NUAK2: variants seen among roughly 807,000 people sequenced by gnomAD.
NUAK2 encodes the protein NUAK family SNF1-like kinase 2.
NUAK2 carries 20 observed loss-of-function variants against 29.8 expected under a neutral mutation model. The ratio of observed to expected loss-of-function variants is 0.67; its 90% CI spans 0.47 to 0.98. The LOEUF is 0.98. NUAK2 is among the 50% of genes least tolerant of loss of function. NUAK2 has a pLI of 0.00. For synonymous variants in NUAK2, 331 were observed against 342.6 expected (o/e 0.97, Z 0.37); for missense variants, 719 against 834.5 (o/e 0.86, Z 1.71).
In NUAK2 at chr1:205,321,569, G is replaced by A. The variant is rs987434793; in HGVS notation, c.60C>T (p.Ala20=). The A allele has an allele frequency of 4.0e-5, 65 of 1,613,364 alleles. No homozygotes were observed. Among genetic ancestry groups the A allele is most frequent in the Non-Finnish European group, 5.2e-5 (61 of 1,179,890 alleles). ...SGPTPSAAEL[A]RPLAEGLIKS... ...TGATCAGCCCTTCCGCCAGCGGCCG[G>A]GCTAGCTCTGCGGCCGAGGGAGTGG... Residue 20 remains alanine (A), a synonymous_variant, in exon 1 of 7, where the codon GCC becomes GCT. Coordinates refer to ENST00000367157, the MANE Select transcript of NUAK2 (RefSeq NM_030952.3).
chr1:205,305,239 C>G lies in NUAK2; in HGVS notation c.783G>C (p.Gln261His). 1 of 1,614,226 alleles carries G rather than the reference C, an allele frequency of 6.2e-7. No individual in the cohort carries two copies. Among genetic ancestry groups the G allele is most frequent in the Non-Finnish European group, 8.5e-7 (1 of 1,180,026 alleles). Residue 261 changes from glutamine (Q) to histidine (H), a missense_variant, in exon 6 of 7, where the codon CAG becomes CAC. By Grantham distance (24) the Gln-to-His change is conservative. This residue lies in a region of NUAK2 where 283 missense variants were observed against 345.6 expected (regional missense o/e 0.82). Coordinates refer to ENST00000367157, the MANE Select transcript of NUAK2 (RefSeq NM_030952.3). ...GCTCCCGGTAGGCCCCGTTGCTGATCTGTTTCACTAGGATCTTATGGTCAT... is the reference window on the plus strand; with the variant it reads ...GCTCCCGGTAGGCCCCGTTGCTGATGTGTTTCACTAGGATCTTATGGTCAT... Reference protein sequence around the residue: ...DGHDHKILVKQISNGAYREPP... With the variant: ...DGHDHKILVKHISNGAYREPP...
At chr1:205,311,882 G>T in intron 1 of NUAK2, 57 bp from the exon 2 acceptor site, 1 of 1,606,608 alleles carries the variant, frequency 6.2e-7, no homozygotes, top group Middle Eastern at 2.2e-4. Flanking sequence ...CACTCTGGGG[G>T]CCCTGGTCCT....
chr1:205,305,262 C>A lies in NUAK2; in HGVS notation c.760G>T (p.Asp254Tyr). ...VHGTMPFDGHDHKILVKQISN... is the reference protein window; with the variant it reads ...VHGTMPFDGHYHKILVKQISN... The stretch of plus-strand genomic sequence containing the variant: ...ATCTGTTTCACTAGGATCTTATGGT[C>A]ATGCCCATCAAAGGGCATGGTGCCA... Residue 254 changes from aspartate (D) to tyrosine (Y), a missense_variant, in exon 6 of 7, where the codon GAC (aspartate) becomes TAC (tyrosine). Transcript: ENST00000367157. The A allele has an allele frequency of 1.2e-6, 2 of 1,614,206 alleles. No homozygotes were observed. The highest frequency in any genetic ancestry group is 2.2e-5 in the South Asian group (2 of 91,062).
intron 4 of NUAK2, among the ~76,000 whole-genome samples, chr1:205,307,770 T>C (rs1156301358): frequency 6.6e-6 from 1 of 152,236 alleles, no homozygotes; most frequent in African/African-American, 2.4e-5. Context: ...TGCATGTGTG[T>C]GTGTATGCAA....
At position 205,303,977 on chromosome 1, in the gene NUAK2, G is replaced by T; in HGVS notation, c.1360C>A (p.Gln454Lys). The T allele has an allele frequency of 6.2e-7, 1 of 1,613,908 alleles. No individual in the cohort carries two copies. Among genetic ancestry groups the T allele is most frequent in the African/African-American group, 1.3e-5 (1 of 75,058 alleles). ...GAGGAGTAGTAGCCAGACTCGCGCT[G>T]TCGGGGCTTCTTGAGAATGCCCTTC... is the stretch of plus-strand genomic sequence containing the variant. Reference protein sequence around the residue: ...PKKGILKKPRQRESGYYSSPE... With the variant: ...PKKGILKKPRKRESGYYSSPE... Residue 454 changes from glutamine (Q) to lysine (K), a missense_variant, in exon 7 of 7, where the codon CAG becomes AAG. Gln to Lys is a moderately conservative substitution (Grantham distance 53). Coordinates refer to ENST00000367157, the MANE Select transcript of NUAK2 (RefSeq NM_030952.3).
chr1:205,312,275 C>T lies in NUAK2; in HGVS notation c.232-450G>A, dbSNP rs186045123. Among the ~76,000 whole-genome samples, 12 of 152,272 alleles carry T rather than the reference C, an allele frequency of 7.9e-5. No individual in the cohort carries two copies. In the East Asian group the frequency reaches 1.9e-3, roughly 24 times the overall value. ...TAAATGAACTGACCCTCACAACAACCTTGGGAGGTGGGCACAAAAAGCATC... is the reference window on the plus strand; with the variant it reads ...TAAATGAACTGACCCTCACAACAACTTTGGGAGGTGGGCACAAAAAGCATC... On this transcript the variant is annotated intron_variant, in intron 1 of 6. Transcript: ENST00000367157.
chr1:205,310,023 A>T (rs1261321929), intron 2 of NUAK2, among the ~76,000 whole-genome samples: 5 of 152,166 alleles, frequency 3.3e-5, no homozygotes, highest in African/African-American at 4.8e-5. Context: ...TGTCCCTGAC[A>T]TTGCATCTTT....
At chr1:205,318,735 G>A (rs1662363790) in intron 1 of NUAK2, among the ~76,000 whole-genome samples, 1 of 152,202 alleles carries the variant, frequency 6.6e-6, no homozygotes, top group Non-Finnish European at 1.5e-5. Context: ...AGGGGAGCTG[G>A]GTGAGTCCCA....
chr1:205,314,094 G>C (rs1005573346), intron 1 of NUAK2, among the ~76,000 whole-genome samples: 1 of 152,216 alleles, frequency 6.6e-6, no homozygotes, highest in Non-Finnish European at 1.5e-5. Context: ...AGGCCCTGCC[G>C]GCCTGTGTTC....
At position 205,302,376 on chromosome 1, in the gene NUAK2, A is replaced by C. The variant is rs1035967984; in HGVS notation, c.*1074T>G. ...AGAACACATCCATAGTCTGGACTTT[A>C]GAGCAGCTTAGAGGCAGAAGTTCTG... On this transcript the variant is annotated 3_prime_UTR_variant, in exon 7 of 7. Coordinates refer to ENST00000367157, the MANE Select transcript of NUAK2 (RefSeq NM_030952.3). 1 of 152,706 alleles carries C rather than the reference A, an allele frequency of 6.5e-6. No homozygotes were observed. The highest frequency in any genetic ancestry group is 1.9e-4 in the East Asian group (1 of 5,198). 9.5% of individuals were successfully genotyped at this position (152,706 alleles called of 1,614,324 possible). A position where few individuals can be genotyped will look rare whatever the true frequency, so the allele number is the denominator to read the frequency against.
intron 2 of NUAK2, 76 bp downstream of exon 2, chr1:205,311,629 A>G: frequency 6.4e-7 from 1 of 1,568,006 alleles, no homozygotes; most frequent in Non-Finnish European, 8.8e-7. Flanking sequence ...TTCTTCTGAC[A>G]CATGTACATA....
Position 205,304,165 on chromosome 1 carries a change from G to A in NUAK2, c.1172C>T (p.Thr391Met), listed in dbSNP as rs142260932. Residue 391 changes from threonine (T) to methionine (M), a missense_variant, in exon 7 of 7, where the codon ACG becomes ATG. Thr to Met is a moderately conservative substitution (Grantham distance 81). This residue lies in a region of NUAK2 where 430 missense variants were observed against 465.7 expected (regional missense o/e 0.92). Coordinates refer to ENST00000367157, the MANE Select transcript of NUAK2 (RefSeq NM_030952.3). The surrounding 1 kb of genome is among the most constrained non-coding windows in gnomAD (Gnocchi z 6.5). ...AGGGCGATGGGCAGTGTCATCAGCC[G>A]TGTCACTGTGGAGAGACTGGGCCAT... ...NDMAQSLHSD[T>M]ADDTAHRPGK... 1.1e-5 allele frequency: 18 copies of A among 1,614,190 alleles called. No individual in the cohort carries two copies. Among genetic ancestry groups the A allele is most frequent in the Admixed American group, 1.7e-5 (1 of 60,034 alleles).
At chr1:205,317,055 C>T (rs1662337468) in intron 1 of NUAK2, among the ~76,000 whole-genome samples, 1 of 152,130 alleles carries the variant, frequency 6.6e-6, no homozygotes, top group African/African-American at 2.4e-5. Flanking sequence ...CCATATCTTG[C>T]CCTAGGCCAG....
intron 5 of NUAK2, 89 bp downstream of exon 5, chr1:205,306,099 A>T (rs1662175981): frequency 1.4e-6 from 2 of 1,473,936 alleles, no homozygotes; most frequent in South Asian, 2.7e-5. Flanking sequence ...GAAAATGTGA[A>T]TAACGAGAAA....
At chr1:205,310,801 C>T (rs927063189) in intron 2 of NUAK2, among the ~76,000 whole-genome samples, 1 of 152,194 alleles carries the variant, frequency 6.6e-6, no homozygotes, top group Non-Finnish European at 1.5e-5. Flanking sequence ...GCCTTCTCAG[C>T]CACTTGCCTG....
chr1:205,317,164 T>C (rs1341187051), intron 1 of NUAK2, among the ~76,000 whole-genome samples: 1 of 152,168 alleles, frequency 6.6e-6, no homozygotes, highest in Non-Finnish European at 1.5e-5. Context: ...GTGGCTCAAT[T>C]GGTAAACACT....
Position 205,308,565 on chromosome 1 carries a change from G to A in NUAK2, c.504+16C>T. 1 of 1,608,912 alleles carries A rather than the reference G, an allele frequency of 6.2e-7. No individual in the cohort carries two copies. The highest frequency in any genetic ancestry group is 8.5e-7 in the Non-Finnish European group (1 of 1,175,630). ...ACCACCCACTGAGAATATGGCTGGA[G>A]CAGGTAGGTGCTCACCTGATGGCAA... On this transcript the variant is annotated intron_variant, in intron 3 of 6. Coordinates refer to ENST00000367157, the MANE Select transcript of NUAK2 (RefSeq NM_030952.3). The surrounding 1 kb of genome is among the most constrained non-coding windows in gnomAD (Gnocchi z 4.1).
chr1:205,306,844 A>G (rs1110303), intron 4 of NUAK2, among the ~76,000 whole-genome samples: 51,849 of 152,048 alleles, frequency 0.34, 9,088 homozygotes, highest in Non-Finnish European at 0.37. Flanking sequence ...CCAGCACCTC[A>G]TGATAATGGC....
At position 205,303,551 on chromosome 1, in the gene NUAK2, G is replaced by A. The variant is rs373396807; in HGVS notation, c.1786C>T (p.Arg596Trp). ...CAGCTGTCCCCCAAAGGATCCTGCCGCCAGCGCCTCAGGCAGCTTCCAGGG... is the reference window on the plus strand; with the variant it reads ...CAGCTGTCCCCCAAAGGATCCTGCCACCAGCGCCTCAGGCAGCTTCCAGGG... ...EGPGSCLRRWRQDPLGDSCFS... is the reference protein window; with the variant it reads ...EGPGSCLRRWWQDPLGDSCFS... The change falls in exon 7 of 7, where the codon CGG becomes TGG. Residue 596 changes from arginine to tryptophan, a missense_variant. This residue lies in a region of NUAK2 where 430 missense variants were observed against 465.7 expected (regional missense o/e 0.92). Transcript: ENST00000367157. 76 of 1,613,470 alleles carry A rather than the reference G, an allele frequency of 4.7e-5. No individual in the cohort carries two copies. Among genetic ancestry groups the A allele is most frequent in the African/African-American group, 9.3e-5 (7 of 74,930 alleles).
Sources: gnomAD v4.1 joint callset for allele counts (sites outside exome capture counted in the v4.1 genomes callset) on GRCh38, gnomAD v4.1.1 for gene constraint, gnomAD v4.1.1 regional missense constraint, Gnocchi (gnomAD v3.1) non-coding constraint, MANE v1.5 for transcripts, NCBI Gene and HGNC (gene_info 2026-07-23, HGNC 2026-07-21) for gene names.